Variants in VAPA observed in about 807,000 individuals in gnomAD.
VAPA encodes VAMP associated protein A.
Under a neutral mutation model 25.6 loss-of-function variants are expected in VAPA, and 6 were observed. The ratio of observed to expected loss-of-function variants is 0.23; its 90% CI spans 0.13 to 0.46. The LOEUF (loss-of-function observed/expected upper bound fraction) is 0.46. VAPA is among the 20% of genes least tolerant of loss of function. The pLI is 0.99. For synonymous variants in VAPA, 112 were observed against 106.2 expected, an observed-to-expected ratio of 1.05 and a Z score of -0.34; for missense variants, 244 against 302.1, an observed-to-expected ratio of 0.81 and a Z score of 1.43.
intron 5 of VAPA, chr18:9,951,248 C>T (rs2069486592): frequency 6.6e-6 from 1 of 152,282 alleles, no homozygotes; most frequent in Non-Finnish European, 1.5e-5. Flanking sequence ...AGTGTAAGCT[C>T]TTCACTGTGA....
chr18:9,936,345 T>C (rs2069310004), intron 3 of VAPA, 132 bp downstream of exon 3: 1 of 502,434 alleles, frequency 2.0e-6, no homozygotes, highest in South Asian at 4.4e-5. Context: ...GCCAATTTCT[T>C]CATTATAGAT....
At chr18:9,921,730 AAAATT>A (rs1298939844) in intron 1 of VAPA, among the ~76,000 whole-genome samples, 2 of 152,178 alleles carry the variant, frequency 1.3e-5, no homozygotes, top group African/African-American at 4.8e-5. Context: ...GTTTTGGAAA[AAAATT>A]AAATGTGCGA....
At chr18:9,932,488 A>G (rs1326854585) in intron 2 of VAPA, among the ~76,000 whole-genome samples, 2 of 152,172 alleles carry the variant, frequency 1.3e-5, no homozygotes, top group African/African-American at 2.4e-5. Flanking sequence ...TTACTTGTCA[A>G]AGAAGTATGC....
Position 9,956,389 on chromosome 18 carries a change from T to C in VAPA, c.*2178T>C, listed in dbSNP as rs941249317. 6.6e-6 allele frequency: 1 copy of C among 152,248 alleles called. No homozygotes were observed. Among genetic ancestry groups the C allele is most frequent in the Non-Finnish European group, 1.5e-5 (1 of 68,036 alleles). 9.4% of individuals were successfully genotyped at this position (152,248 alleles called of 1,614,324 possible). On this transcript the variant is annotated 3_prime_UTR_variant, in exon 6 of 6. Transcript: ENST00000400000. ...CTACTACCGGCTTACTGTTGAATAG[T>C]TTGGTTATAGTGTTTAGGCTAGAAA... is the stretch of plus-strand genomic sequence containing the variant.
At chr18:9,935,708 T>A (rs1156863830) in intron 2 of VAPA, among the ~76,000 whole-genome samples, 4 of 152,246 alleles carry the variant, frequency 2.6e-5, no homozygotes, top group Non-Finnish European at 5.9e-5. Flanking sequence ...TAATAACTTA[T>A]ATTTAATCTG....
At chr18:9,935,650 A>G (rs368014979) in intron 2 of VAPA, among the ~76,000 whole-genome samples, 2 of 152,386 alleles carry the variant, frequency 1.3e-5, no homozygotes, top group African/African-American at 2.4e-5. Context: ...TCTCAGTTGT[A>G]TAATTTTAAA....
Position 9,956,792 on chromosome 18 carries a change from G to T in VAPA, c.*2581G>T, listed in dbSNP as rs554143746. On this transcript the variant is annotated 3_prime_UTR_variant, in exon 6 of 6. Transcript: ENST00000400000. ...CTTACTTGTATATGTAAGCATGAGG[G>T]AAATACACTGTTGCTAATACTGAAA... is the stretch of plus-strand genomic sequence containing the variant. 5 of 152,396 alleles carry T rather than the reference G, an allele frequency of 3.3e-5. No homozygotes were observed. In the South Asian group the frequency reaches 1.0e-3, roughly 32 times the overall value. The allele number at this position is 152,396 out of a possible 1,614,324, so 9.4% of individuals were successfully genotyped here. A position where few individuals can be genotyped will look rare whatever the true frequency, so the allele number is the denominator to read the frequency against.
At chr18:9,936,303 A>C (rs892733947) in intron 3 of VAPA, 90 bp downstream of exon 3, 17 of 799,454 alleles carry the variant, frequency 2.1e-5, no homozygotes, top group Non-Finnish European at 3.1e-5. Context: ...ATTTCTAAAA[A>C]CTAAAAGTTA....
chr18:9,949,011 A>G (rs1420630529), intron 4 of VAPA: 1 of 152,254 alleles, frequency 6.6e-6, no homozygotes, highest in Non-Finnish European at 1.5e-5. Context: ...CAACCTCATT[A>G]TCAGAAGTTG....
chr18:9,950,363 G>C (rs1408631117), intron 4 of VAPA, 32 bp from the exon 5 acceptor site: 3 of 1,596,684 alleles, frequency 1.9e-6, no homozygotes, highest in Non-Finnish European at 2.6e-6. Context: ...GATTTGGTTA[G>C]TTAAAAAATT....
chr18:9,920,604 A>AT (rs745865936), intron 1 of VAPA, among the ~76,000 whole-genome samples: 6 of 152,122 alleles, frequency 3.9e-5, no homozygotes, highest in Non-Finnish European at 8.8e-5. Flanking sequence ...AGCCTCCTTT[A>AT]TTGTCAGCTC....
chr18:9,937,213 T>G, intron 4 of VAPA, 147 bp downstream of exon 4: 2 of 354,108 alleles, frequency 5.6e-6, no homozygotes, highest in Non-Finnish European at 4.6e-6. Flanking sequence ...AAAAACTTGG[T>G]ATGCCTTTTT....
At chr18:9,934,394 G>T (rs941774395) in intron 2 of VAPA, among the ~76,000 whole-genome samples, 8 of 152,154 alleles carry the variant, frequency 5.3e-5, no homozygotes, top group Non-Finnish European at 1.2e-4. Context: ...GGTTCATAGT[G>T]ATTAGCTTAT....
chr18:9,927,557 A>T (rs900166395), intron 1 of VAPA, among the ~76,000 whole-genome samples: 6 of 150,654 alleles, frequency 4.0e-5, no homozygotes, highest in Non-Finnish European at 8.9e-5. Context: ...AGGTCCCGCT[A>T]TTTAAAAGGA....
intron 1 of VAPA, among the ~76,000 whole-genome samples, chr18:9,927,899 G>A (rs2069215237): frequency 6.6e-6 from 1 of 152,066 alleles, no homozygotes; most frequent in Admixed American, 6.6e-5. Flanking sequence ...GCAGGAAATG[G>A]TAGGGCTTCC....
chr18:9,916,659 G>A (rs1253286474), intron 1 of VAPA, among the ~76,000 whole-genome samples: 1 of 152,170 alleles, frequency 6.6e-6, no homozygotes, highest in Non-Finnish European at 1.5e-5. Context: ...AAACCTTTGT[G>A]TATTTAAATG....
At position 9,937,020 on chromosome 18, in the gene VAPA, C is replaced by T; in HGVS notation, c.371C>T (p.Ser124Phe). 1 of 1,613,444 alleles carries T rather than the reference C, an allele frequency of 6.2e-7. No individual in the cohort carries two copies. The highest frequency in any genetic ancestry group is 8.5e-7 in the Non-Finnish European group (1 of 1,179,704). Residue 124 changes from serine to phenylalanine, a missense_variant, in exon 4 of 6, where the codon TCC becomes TTC. Transcript: ENST00000400000. The part of the protein sequence containing the change: ...KEAKPDELMD[S>F]KLRCVFEMPN... The stretch of plus-strand genomic sequence containing the variant: ...GCAAAACCTGATGAATTAATGGATT[C>T]CAAATTGAGATGCGTATTTGAAATG...
At chr18:9,931,005 C>A (rs2069249021) in intron 1 of VAPA, among the ~76,000 whole-genome samples, 1 of 152,028 alleles carries the variant, frequency 6.6e-6, no homozygotes, top group African/African-American at 2.4e-5. Flanking sequence ...GTCTTTGATT[C>A]CAGCCTTCTA....
chr18:9,951,451 A>T (rs1030743197), intron 5 of VAPA: 1 of 152,216 alleles, frequency 6.6e-6, no homozygotes, highest in African/African-American at 2.4e-5. Flanking sequence ...TTCTCCCTCT[A>T]GTGGGCAGTA....
Sources: allele counts gnomAD v4.1 joint callset (sites outside exome capture counted in the v4.1 genomes callset), GRCh38; gene constraint gnomAD v4.1.1; transcripts MANE v1.5; gene names NCBI Gene and HGNC (gene_info 2026-07-23, HGNC 2026-07-21).